Variants in FSTL4 observed in about 807,000 individuals in gnomAD.
The protein encoded by FSTL4 is follistatin-related protein 4.
Under a neutral mutation model 78.2 loss-of-function variants are expected in FSTL4, and 28 were observed. That is an observed-to-expected ratio of 0.36 (90% CI 0.27 to 0.49). The LOEUF (loss-of-function observed/expected upper bound fraction) is 0.49. Ranked by LOEUF, FSTL4 falls within the 20% of genes least tolerant of loss-of-function variation. The pLI is 0.98. For missense variants in FSTL4, 922 were observed against 1,084.9 expected, an observed-to-expected ratio of 0.85 and a Z score of 2.11; for synonymous variants, 422 against 440.5, an observed-to-expected ratio of 0.96 and a Z score of 0.53.
intron 6 of FSTL4, among the ~76,000 whole-genome samples, chr5:133,289,671 G>T (rs1753212369): frequency 6.6e-6 from 1 of 152,182 alleles, no homozygotes; most frequent in South Asian, 2.1e-4. Context: ...CCCAACTCTG[G>T]GACTAGTCCT....
At chr5:133,742,843 C>A in the FSTL4 span, among the ~76,000 whole-genome samples, 6 of 152,052 alleles carry the variant, frequency 3.9e-5, no homozygotes, top group East Asian at 1.2e-3. Flanking sequence ...GGTGTTCAGG[C>A]AGAGTGCCTG....
chr5:133,740,821 C>T, the FSTL4 span, among the ~76,000 whole-genome samples: 823 of 152,276 alleles, frequency 5.4e-3, 4 homozygotes, highest in Non-Finnish European at 8.3e-3. Context: ...GAAGCAACGG[C>T]ATCCACCCTG....
At chr5:133,786,781 A>G in the FSTL4 span, among the ~76,000 whole-genome samples, 2 of 152,220 alleles carry the variant, frequency 1.3e-5, no homozygotes, top group Non-Finnish European at 2.9e-5. Context: ...AACAACCATT[A>G]TAATAGCAAT....
chr5:133,496,348 G>A (rs911611598), intron 3 of FSTL4, among the ~76,000 whole-genome samples: 7 of 152,176 alleles, frequency 4.6e-5, no homozygotes, highest in Non-Finnish European at 8.8e-5. Context: ...GCCCAATTCC[G>A]TGGTCTGACA....
At chr5:133,477,934 G>A (rs550873016) in intron 3 of FSTL4, among the ~76,000 whole-genome samples, 66 of 152,284 alleles carry the variant, frequency 4.3e-4, no homozygotes, top group Admixed American at 1.1e-3. Context: ...TTCAATTACT[G>A]GAAAGTTCCC....
chr5:133,580,666 T>C (rs1270040511), intron 2 of FSTL4, among the ~76,000 whole-genome samples: 1 of 152,190 alleles, frequency 6.6e-6, no homozygotes, highest in South Asian at 2.1e-4. Context: ...AGTAGGTCTC[T>C]ACTTCAATAC....
the FSTL4 span, among the ~76,000 whole-genome samples, chr5:133,777,804 C>T: frequency 8.5e-5 from 13 of 152,176 alleles, no homozygotes; most frequent in East Asian, 1.7e-3. Flanking sequence ...ATTTAATATT[C>T]AGGCCATGAA....
At chr5:133,263,068 T>G (rs1752569629) in intron 6 of FSTL4, among the ~76,000 whole-genome samples, 1 of 151,956 alleles carries the variant, frequency 6.6e-6, no homozygotes, top group South Asian at 2.1e-4. Flanking sequence ...CTTGACTGGA[T>G]GGGGAGATTG....
At chr5:133,392,760 T>C (rs1356041123) in intron 4 of FSTL4, among the ~76,000 whole-genome samples, 3 of 151,210 alleles carry the variant, frequency 2.0e-5, no homozygotes, top group East Asian at 1.9e-4. Context: ...AAAGGAGGGG[T>C]TGGAGAAAGA....
the FSTL4 span, among the ~76,000 whole-genome samples, chr5:133,760,805 T>C: frequency 6.6e-6 from 1 of 152,184 alleles, no homozygotes; most frequent in East Asian, 1.9e-4. Context: ...CAAAATATGA[T>C]TCAGCCCACA....
At chr5:133,703,330 C>T in the FSTL4 span, among the ~76,000 whole-genome samples, 1 of 152,214 alleles carries the variant, frequency 6.6e-6, no homozygotes, top group African/African-American at 2.4e-5. Flanking sequence ...GGGGCTCCTG[C>T]ATAGCCATCA....
chr5:133,268,971 GGAGATCGAGACC>G (rs958596553), intron 6 of FSTL4, among the ~76,000 whole-genome samples: 4 of 152,030 alleles, frequency 2.6e-5, no homozygotes, highest in Non-Finnish European at 4.4e-5. Context: ...CACCAGGTCA[GGAGATCGAGACC>G]ATCCTGGCTA....
rs2112987992 is a variant in FSTL4, at chr5:133,611,777, C to T, written c.-11+548G>A. Among the ~76,000 whole-genome samples, 1 of 152,294 alleles carries T rather than the reference C, an allele frequency of 6.6e-6. No homozygotes were observed. The highest frequency in any genetic ancestry group is 1.9e-4 in the East Asian group (1 of 5,136). The stretch of plus-strand genomic sequence containing the variant: ...AGGGCCAGGCGAAGCGCAGCGGGCC[C>T]TTTGGGCTGCAGCGAGGAGACGCAA... On this transcript the variant is annotated intron_variant, in intron 1 of 15. Coordinates refer to ENST00000265342, the MANE Select transcript of FSTL4 (RefSeq NM_015082.2). This position sits in a 1 kb window ranked among gnomAD's most constrained non-coding sequence, Gnocchi z 4.9.
the FSTL4 span, among the ~76,000 whole-genome samples, chr5:133,701,402 CAAAAAAAAAA>C: frequency 2.1e-5 from 2 of 94,940 alleles, no homozygotes; most frequent in Non-Finnish European, 4.2e-5. Context: ...GAGTCAGTCT[CAAAAAAAAAA>C]AAAAAGAAAG....
chr5:133,446,214 C>T (rs1036999756), intron 3 of FSTL4, among the ~76,000 whole-genome samples: 1 of 152,250 alleles, frequency 6.6e-6, no homozygotes, highest in Non-Finnish European at 1.5e-5. Flanking sequence ...CCGAGGCAGG[C>T]AGATCACTTG....
At chr5:133,664,552 C>T in the FSTL4 span, among the ~76,000 whole-genome samples, 1 of 152,184 alleles carries the variant, frequency 6.6e-6, no homozygotes, top group East Asian at 1.9e-4. Context: ...AGGCAAGAAG[C>T]CAGCCTGGCT....
chr5:133,819,869 C>T, the FSTL4 span, among the ~76,000 whole-genome samples: 1 of 152,172 alleles, frequency 6.6e-6, no homozygotes, highest in Non-Finnish European at 1.5e-5. Flanking sequence ...TGGCAGCCAC[C>T]CTCCCTGCCC....
At chr5:133,589,584 G>C (rs1162644879) in intron 2 of FSTL4, among the ~76,000 whole-genome samples, 1 of 152,014 alleles carries the variant, frequency 6.6e-6, no homozygotes, top group Non-Finnish European at 1.5e-5. Flanking sequence ...GAAATTGTTG[G>C]GGAGGAGGGG....
chr5:133,712,954 A>C, the FSTL4 span, among the ~76,000 whole-genome samples: 1 of 152,174 alleles, frequency 6.6e-6, no homozygotes, highest in African/African-American at 2.4e-5. Context: ...GCACGTAAGA[A>C]GCTGGTGCTG....
Sources: allele counts gnomAD v4.1 joint callset (sites outside exome capture counted in the v4.1 genomes callset), GRCh38; gene constraint gnomAD v4.1.1; non-coding constraint Gnocchi (gnomAD v3.1); transcripts MANE v1.5; gene names NCBI Gene and HGNC (gene_info 2026-07-23, HGNC 2026-07-21).